The following CRB2 variants were observed in gnomAD, a reference collection of about 807,000 sequenced individuals.
The protein encoded by CRB2 is protein crumbs homolog 2.
Under a neutral mutation model 110.9 loss-of-function variants are expected in CRB2, and 85 were observed. That is an observed-to-expected ratio of 0.77 (90% CI 0.64 to 0.92). The LOEUF is 0.92. Among genes scored for constraint, CRB2 ranks in the 40% least tolerant of loss-of-function variants. The probability of loss-of-function intolerance (pLI) is 0.00; values close to 1 mark genes in which losing one functional copy is unlikely to be tolerated. For synonymous variants in CRB2, 907 were observed against 831.0 expected, an observed-to-expected ratio of 1.09 and a Z score of -1.57; for missense variants, 1,843 against 1,851.3, an observed-to-expected ratio of 1.00 and a Z score of 0.08.
intron 11 of CRB2, 33 bp from the exon 12 acceptor site, chr9:123,375,184 G>T: frequency 1.9e-6 from 3 of 1,611,064 alleles, no homozygotes; most frequent in Non-Finnish European, 1.7e-6. Flanking sequence ...AGCCATGGGG[G>T]AAGCCGCTTT....
At chr9:123,367,439 C>CCCCCCCCA in intron 5 of CRB2, 82 bp downstream of exon 5, 1 of 987,022 alleles carries the variant, frequency 1.0e-6, no homozygotes, top group South Asian at 1.8e-5. Flanking sequence ...ACCCCCCCCA[C>CCCCCCCCA]CCCCCCACCC....
At chr9:123,365,221 G>C (rs868794) in intron 2 of CRB2, among the ~76,000 whole-genome samples, 73,140 of 152,058 alleles carry the variant, frequency 0.48, 17,668 homozygotes, top group African/African-American at 0.52. Flanking sequence ...TAAGATTGCA[G>C]CACTGCACTC....
chr9:123,366,322 C>T lies in CRB2; in HGVS notation c.710C>T (p.Ser237Phe). 2 of 1,541,374 alleles carry T rather than the reference C, an allele frequency of 1.3e-6. No individual in the cohort carries two copies. Among genetic ancestry groups the T allele is most frequent in the Non-Finnish European group, 1.7e-6 (2 of 1,156,564 alleles). ...TCGGCGCCCTGCGAGCACAACGCGT[C>T]CTGCCTCGAGGGCCTCGGGAGCTTC... ...CASAPCEHNA[S>F]CLEGLGSFRC... The change falls in exon 4 of 13, where the codon TCC becomes TTC. Residue 237 changes from serine to phenylalanine, a missense_variant. Physicochemically the swap from Ser to Phe is radical, Grantham distance 155 (BLOSUM62 -2). Transcript: ENST00000373631.
intron 6 of CRB2, among the ~76,000 whole-genome samples, chr9:123,368,592 C>A (rs959689587): frequency 1.3e-5 from 2 of 152,266 alleles, no homozygotes; most frequent in African/African-American, 4.8e-5. Flanking sequence ...GGGGTGTCAT[C>A]CCCCAGGTTC....
chr9:123,362,899 C>G lies in CRB2; in HGVS notation c.129C>G (p.Ala43=), dbSNP rs1195281349. 2 of 1,595,196 alleles carry G rather than the reference C, an allele frequency of 1.3e-6. No individual in the cohort carries two copies. The highest frequency in any genetic ancestry group is 2.7e-5 in the African/African-American group (2 of 74,744). Residue 43 remains alanine (A), a synonymous_variant, in exon 2 of 13, where the codon GCC becomes GCG. Transcript: ENST00000373631. ...TVPSEPPSAC[A]SDPCAPGTEC... ...CTTCAGAGCCCCCCAGTGCCTGTGC[C>G]TCAGACCCGTGCGCTCCAGGGACCG...
chr9:123,370,469 G>T lies in CRB2; in HGVS notation c.1416G>T (p.Gly472=), dbSNP rs1303713273. Residue 472 remains glycine (G), a synonymous_variant, in exon 7 of 13, where the codon GGG becomes GGT. Coordinates refer to ENST00000373631, the MANE Select transcript of CRB2 (RefSeq NM_173689.7). ...ALRFRTTLPA[G]TLATRNDTKE... ...GGTTTCGCACCACACTGCCCGCTGG[G>T]ACCTTGGCCACTCGCAATGACACCA... The T allele has an allele frequency of 6.2e-7, 1 of 1,613,342 alleles. No individual in the cohort carries two copies. The highest frequency in any genetic ancestry group is 2.2e-5 in the East Asian group (1 of 44,906).
chr9:123,370,581 C>T lies in CRB2; in HGVS notation c.1528C>T (p.Pro510Ser). 2 of 1,613,242 alleles carry T rather than the reference C, an allele frequency of 1.2e-6. No homozygotes were observed. The highest frequency in any genetic ancestry group is 2.2e-5 in the South Asian group (2 of 91,082). Reference sequence around the variant, plus strand: ...CACCACTGTGCTTGTCCTGAGACTGCCGGACCTGGCCCTAAACGATGGCCA... The same window carrying T: ...CACCACTGTGCTTGTCCTGAGACTGTCGGACCTGGCCCTAAACGATGGCCA... ...YSTTVLVLRL[P>S]DLALNDGHWH... Residue 510 changes from proline (P) to serine (S), a missense_variant, in exon 7 of 13, where the codon CCG becomes TCG. Coordinates refer to ENST00000373631, the MANE Select transcript of CRB2 (RefSeq NM_173689.7).
intron 2 of CRB2, among the ~76,000 whole-genome samples, chr9:123,365,395 C>G (rs1220479739): frequency 6.6e-6 from 1 of 152,172 alleles, no homozygotes; most frequent in Non-Finnish European, 1.5e-5. Context: ...CACCTCCCAC[C>G]CGACTCACCT....
intron 6 of CRB2, 96 bp downstream of exon 6, chr9:123,367,782 G>A (rs2041959367): frequency 6.1e-6 from 5 of 820,132 alleles, no homozygotes; most frequent in Non-Finnish European, 9.8e-6. Flanking sequence ...ATGGGGTCAA[G>A]GAGATCAGGG....
At chr9:123,356,408 C>A in intron 1 of CRB2, 54 bp downstream of exon 1, 1 of 1,386,954 alleles carries the variant, frequency 7.2e-7, no homozygotes, top group Non-Finnish European at 9.7e-7. Context: ...TCCCCCAAGA[C>A]AGATACCCCA....
At chr9:123,368,113 G>A (rs2041963161) in intron 6 of CRB2, among the ~76,000 whole-genome samples, 1 of 152,044 alleles carries the variant, frequency 6.6e-6, no homozygotes, top group African/African-American at 2.4e-5. Context: ...ACACGCAGAT[G>A]CACAGACACA....
upstream of CRB2, chr9:123,356,194 G>T: frequency 1.8e-6 from 2 of 1,104,646 alleles, no homozygotes; most frequent in South Asian, 1.8e-5. Flanking sequence ...GGACGAGGGG[G>T]GTGCGGAGCC....
chr9:123,364,970 A>C (rs2041912750), intron 2 of CRB2, among the ~76,000 whole-genome samples: 1 of 152,094 alleles, frequency 6.6e-6, no homozygotes, highest in Non-Finnish European at 1.5e-5. Flanking sequence ...ACCTTCTAAA[A>C]AGTAGGTAGG....
chr9:123,374,511 G>A (rs1348188724), intron 10 of CRB2, 68 bp from the exon 11 acceptor site: 13 of 1,157,010 alleles, frequency 1.1e-5, no homozygotes, highest in Non-Finnish European at 1.7e-5. Flanking sequence ...GGTGGCCCAC[G>A]GTCACAGCGC....
Position 123,371,327 on chromosome 9 carries a change from G to T in CRB2, c.2185G>T (p.Val729Leu). 1 of 1,609,340 alleles carries T rather than the reference G, an allele frequency of 6.2e-7. No individual in the cohort carries two copies. Among genetic ancestry groups the T allele is most frequent in the Non-Finnish European group, 8.5e-7 (1 of 1,177,296 alleles). ...GRWDDGLRHL[V>L]MLSFGPDQLQ... ...CTGGGATGATGGGCTCCGTCACCTG[G>T]TGATGCTCAGCTTCGGGCCTGACCA... Residue 729 changes from valine to leucine, a missense_variant, in exon 8 of 13, where the codon GTG becomes TTG. By Grantham distance (32) the Val-to-Leu change is conservative (BLOSUM62 1). Coordinates refer to ENST00000373631, the MANE Select transcript of CRB2 (RefSeq NM_173689.7).
At chr9:123,364,335 T>TGGGTTGTGC (rs2041904860) in intron 2 of CRB2, among the ~76,000 whole-genome samples, 1 of 147,112 alleles carries the variant, frequency 6.8e-6, no homozygotes, top group African/African-American at 2.6e-5. Flanking sequence ...GTGGGTTGTG[T>TGGGTTGTGC]GGGCAGTGGG....
downstream of CRB2, among the ~76,000 whole-genome samples, chr9:123,379,334 CT>C (rs1183712398): frequency 6.6e-6 from 1 of 152,196 alleles, no homozygotes; most frequent in Admixed American, 6.5e-5. Flanking sequence ...GTGGGGGCGA[CT>C]TGCCAGGTGT....
Position 123,367,233 on chromosome 9 carries a change from TG to T in CRB2, c.821del (p.Gly274AlafsTer170). 6.3e-7 allele frequency: 1 copy of T among 1,597,718 alleles called. No individual in the cohort carries two copies. ...DECASSPCQH[G>X]GRCLQRSDPA... ...AGTGTGCATCGAGCCCCTGCCAGCA[TG>T]GGGGCCGATGCCTGCAGCGCTCTGA... On this transcript the variant is annotated frameshift_variant, in exon 5 of 13. Coordinates refer to ENST00000373631, the MANE Select transcript of CRB2 (RefSeq NM_173689.7). LOFTEE classifies it high-confidence loss of function.
In CRB2 at chr9:123,378,038, C is replaced by T. The variant is rs2042130510; in HGVS notation, c.*976C>T. The T allele has an allele frequency of 6.6e-6, 1 of 152,604 alleles. No homozygotes were observed. The allele number at this position is 152,604 out of a possible 1,614,324, so 9.5% of individuals were successfully genotyped here. A position where few individuals can be genotyped will look rare whatever the true frequency, so the allele number is the denominator to read the frequency against. The stretch of plus-strand genomic sequence containing the variant: ...TGAACCCCCCCAGCTCACCTGACCA[C>T]CTCTGGTTCTCCAGCTCCGGTCCTT... On this transcript the variant is annotated 3_prime_UTR_variant, in exon 13 of 13. Transcript: ENST00000373631.
Sources: allele counts gnomAD v4.1 joint callset (sites outside exome capture counted in the v4.1 genomes callset), GRCh38; gene constraint gnomAD v4.1.1; transcripts MANE v1.5; gene names NCBI Gene and HGNC (gene_info 2026-07-23, HGNC 2026-07-21).